MRPS35: variants seen among roughly 807,000 people sequenced by gnomAD.
MRPS35 encodes the protein mitochondrial ribosomal protein S35, also known as small ribosomal subunit protein mS35.
Under a neutral mutation model 32.7 loss-of-function variants are expected in MRPS35, and 29 were observed. The ratio of observed to expected loss-of-function variants is 0.89; its 90% confidence interval spans 0.66 to 1.21. MRPS35 has a LOEUF of 1.21. MRPS35 is among the 50% of genes most tolerant of loss of function. The pLI, the probability that MRPS35 is intolerant of heterozygous loss-of-function variation, is 0.00. For missense variants in MRPS35, 373 were observed against 383.8 expected, an observed-to-expected ratio of 0.97 and a Z score of 0.23; for synonymous variants, 148 against 139.3, an observed-to-expected ratio of 1.06 and a Z score of -0.44.
intron 7 of MRPS35, among the ~76,000 whole-genome samples, chr12:27,739,124 C>T (rs1171919250): frequency 6.6e-6 from 1 of 152,178 alleles, no homozygotes; most frequent in Non-Finnish European, 1.5e-5. Context: ...TCTCGAACTC[C>T]TAACCTCAGG....
chr12:27,754,308 A>T (rs766855579), intron 7 of MRPS35, among the ~76,000 whole-genome samples: 1 of 152,058 alleles, frequency 6.6e-6, no homozygotes, highest in Admixed American at 6.5e-5. Flanking sequence ...ACTAAAAACC[A>T]CGTATTATGT....
At chr12:27,748,979 C>T (rs1220114610) in intron 7 of MRPS35, among the ~76,000 whole-genome samples, 1 of 152,110 alleles carries the variant, frequency 6.6e-6, no homozygotes, top group African/African-American at 2.4e-5. Context: ...CATAGTGAGA[C>T]TCCACCTCTT....
intron 7 of MRPS35, among the ~76,000 whole-genome samples, chr12:27,748,693 C>T (rs139133284): frequency 2.6e-5 from 4 of 151,944 alleles, no homozygotes; most frequent in African/African-American, 9.7e-5. Context: ...TTTTGTGTGA[C>T]AAGGTCTGGC....
chr12:27,710,840 A>C lies in MRPS35; in HGVS notation c.-4A>C. On this transcript the variant is annotated 5_prime_UTR_variant, in exon 1 of 8. Coordinates refer to ENST00000081029, the MANE Select transcript of MRPS35 (RefSeq NM_021821.4). ...GTCCCCTCCGGCTTGCCGTCCTCGC[A>C]GCCATGGCGGCCGCCGCGCTCCCAG... 1 of 1,604,044 alleles carries C rather than the reference A, an allele frequency of 6.2e-7. No homozygotes were observed. The highest frequency in any genetic ancestry group is 8.5e-7 in the Non-Finnish European group (1 of 1,179,024).
chr12:27,737,509 T>G, intron 6 of MRPS35, 30 bp from the exon 7 acceptor site: 1 of 1,592,662 alleles, frequency 6.3e-7, no homozygotes, highest in African/African-American at 1.3e-5. Context: ...GTTTTTAGAA[T>G]TTTGACTTCT....
chr12:27,719,889 A>C, intron 4 of MRPS35, 21 bp downstream of exon 4: 3 of 1,502,322 alleles, frequency 2.0e-6, no homozygotes, highest in Non-Finnish European at 2.8e-6. Context: ...ATTTTCTTAT[A>C]TGAATTTTAT....
intron 7 of MRPS35, among the ~76,000 whole-genome samples, chr12:27,751,431 A>T (rs1472425757): frequency 3.9e-5 from 6 of 152,114 alleles, no homozygotes; most frequent in Non-Finnish European, 8.8e-5. Flanking sequence ...AGGCAGGTGA[A>T]AGATAGTTTT....
At chr12:27,740,987 T>G (rs2061962714) in intron 7 of MRPS35, among the ~76,000 whole-genome samples, 1 of 151,946 alleles carries the variant, frequency 6.6e-6, no homozygotes, top group Non-Finnish European at 1.5e-5. Context: ...GGCAACATGA[T>G]GAAACCCCGT....
intron 5 of MRPS35, among the ~76,000 whole-genome samples, chr12:27,731,661 A>G (rs2061922536): frequency 1.3e-5 from 2 of 152,046 alleles, no homozygotes; most frequent in Admixed American, 6.6e-5. Context: ...CTCTGCCTCC[A>G]TGGTTCAAGC....
intron 5 of MRPS35, among the ~76,000 whole-genome samples, chr12:27,728,902 A>G (rs7973245): frequency 4.6e-5 from 7 of 152,172 alleles, no homozygotes; most frequent in African/African-American, 1.7e-4. Context: ...TTTGGCAAGA[A>G]TACTTTATAG....
intron 1 of MRPS35, among the ~76,000 whole-genome samples, chr12:27,714,436 A>C (rs1471531321): frequency 2.0e-5 from 3 of 151,982 alleles, no homozygotes; most frequent in Non-Finnish European, 4.4e-5. Flanking sequence ...AAATACAAAA[A>C]TTAGCCAGGT....
intron 5 of MRPS35, among the ~76,000 whole-genome samples, chr12:27,724,517 C>T (rs1565466162): frequency 6.6e-6 from 1 of 152,154 alleles, no homozygotes; most frequent in African/African-American, 2.4e-5. Context: ...CCGAGTCAGG[C>T]GGATCACCTG....
In MRPS35 at chr12:27,736,554, G is replaced by T. The variant is rs543707389; in HGVS notation, c.633-985G>T. On this transcript the variant is annotated intron_variant, in intron 6 of 7. Transcript: ENST00000081029. ...TGTTAGTGTATGGATATGTTTTATG[G>T]TAACTATTTAGAGTAGAGGACTTAA... Among the ~76,000 whole-genome samples, 13 of 151,306 alleles carry T rather than the reference G, an allele frequency of 8.6e-5. No homozygotes were observed. The East Asian group carries it at 2.5e-3, about 29-fold the overall frequency.
At chr12:27,750,117 G>A (rs1026036413) in intron 7 of MRPS35, among the ~76,000 whole-genome samples, 9 of 152,126 alleles carry the variant, frequency 5.9e-5, no homozygotes, top group African/African-American at 2.2e-4. Context: ...TTTATATTTT[G>A]TTCATTCCAT....
At chr12:27,736,189 C>T (rs1481323794) in intron 6 of MRPS35, among the ~76,000 whole-genome samples, 1 of 152,048 alleles carries the variant, frequency 6.6e-6, no homozygotes, top group East Asian at 1.9e-4. Flanking sequence ...TTAAGTGGGC[C>T]GATCTGCTGT....
At chr12:27,732,642 G>A (rs867295543) in intron 5 of MRPS35, among the ~76,000 whole-genome samples, 14 of 152,156 alleles carry the variant, frequency 9.2e-5, no homozygotes, top group Middle Eastern at 3.4e-3. Flanking sequence ...ATACTCAAAT[G>A]TTTTAATGCA....
At chr12:27,711,623 AC>A (rs1291859130) in intron 1 of MRPS35, among the ~76,000 whole-genome samples, 1 of 150,814 alleles carries the variant, frequency 6.6e-6, no homozygotes, top group Admixed American at 6.6e-5. Context: ...TCTCTAATTT[AC>A]TCTCCTCATA....
intron 5 of MRPS35, among the ~76,000 whole-genome samples, chr12:27,724,841 G>C (rs1165357854): frequency 1.3e-5 from 2 of 152,096 alleles, no homozygotes; most frequent in Non-Finnish European, 2.9e-5. Flanking sequence ...GCCTGCCTTT[G>C]TGTATATTAA....
chr12:27,711,080 G>A lies in MRPS35; in HGVS notation c.112+125G>A, dbSNP rs1177344990. 4.9e-6 allele frequency: 4 copies of A among 813,940 alleles called. No individual in the cohort carries two copies. The East Asian group carries it at 1.1e-4, about 22-fold the overall frequency. The allele number at this position is 813,940 out of a possible 1,614,324, so 50.4% of individuals were successfully genotyped here. ...GGGGAGGCCAGTGCGTCCGCTGCCA[G>A]GCCCGTCTGGTAGGAAAACCATGGA... On this transcript the variant is annotated intron_variant, in intron 1 of 7. Coordinates refer to ENST00000081029, the MANE Select transcript of MRPS35 (RefSeq NM_021821.4).
Sources: allele counts gnomAD v4.1 joint callset (sites outside exome capture counted in the v4.1 genomes callset), GRCh38; gene constraint gnomAD v4.1.1; transcripts MANE v1.5; gene names NCBI Gene and HGNC (gene_info 2026-07-23, HGNC 2026-07-21).